Variants in CTSS observed in about 807,000 individuals in gnomAD.
The protein encoded by CTSS is cathepsin S.
Under a neutral mutation model 39.9 loss-of-function variants are expected in CTSS, and 15 were observed. The observed-to-expected ratio is 0.38, with a 90% CI of 0.25 to 0.58. The LOEUF (loss-of-function observed/expected upper bound fraction) is 0.58, where lower values mean the gene tolerates loss of function less well. Ranked by LOEUF, CTSS falls within the 20% of genes least tolerant of loss-of-function variation. The pLI, the probability that CTSS is intolerant of heterozygous loss-of-function variation, is 0.70. For synonymous variants in CTSS, 126 were observed against 138.2 expected, an observed-to-expected ratio of 0.91 and a Z score of 0.62; for missense variants, 250 against 398.2, an observed-to-expected ratio of 0.63 and a Z score of 3.17.
intron 7 of CTSS, among the ~76,000 whole-genome samples, chr1:150,740,743 T>G (rs1652734040): frequency 1.3e-5 from 2 of 150,794 alleles, no homozygotes; most frequent in African/African-American, 4.9e-5. Flanking sequence ...GAAGCTAGAG[T>G]TGAGTGATGT....
chr1:150,763,104 TAAA>T (rs202184518), intron 2 of CTSS, among the ~76,000 whole-genome samples: 1 of 146,122 alleles, frequency 6.8e-6, no homozygotes, highest in African/African-American at 2.5e-5. Context: ...TATTTAGCCT[TAAA>T]AAAAAAAAAA....
intron 4 of CTSS, among the ~76,000 whole-genome samples, chr1:150,752,366 A>G (rs775242280): frequency 5.3e-5 from 8 of 152,234 alleles, no homozygotes; most frequent in Non-Finnish European, 1.0e-4. Flanking sequence ...TGAGAGAGCT[A>G]GGATGATTTC....
Position 150,730,315 on chromosome 1 carries a change from G to A in CTSS, c.*2731C>T, listed in dbSNP as rs1419628435. 6.6e-6 allele frequency: 1 copy of A among 152,198 alleles called. No individual in the cohort carries two copies. The highest frequency in any genetic ancestry group is 2.4e-5 in the African/African-American group (1 of 41,456). 9.4% of individuals were successfully genotyped at this position (152,198 alleles called of 1,614,324 possible). A position where few individuals can be genotyped will look rare whatever the true frequency, so the allele number is the denominator to read the frequency against. On this transcript the variant is annotated 3_prime_UTR_variant, in exon 8 of 8. Coordinates refer to ENST00000368985, the MANE Select transcript of CTSS (RefSeq NM_004079.5). ...TTTATAGTAGGTTTGATGAAGAGCA[G>A]CCAGTGATGTAGAAATGTCATAGGG...
intron 7 of CTSS, among the ~76,000 whole-genome samples, chr1:150,737,074 T>C (rs587752324): frequency 2.6e-5 from 4 of 152,218 alleles, no homozygotes; most frequent in African/African-American, 9.6e-5. Flanking sequence ...CAGGTATGAG[T>C]ACATCAGATT....
At chr1:150,733,343 T>C (rs1049123027) in intron 7 of CTSS, among the ~76,000 whole-genome samples, 198 bp from the exon 8 acceptor site, 1 of 152,222 alleles carries the variant, frequency 6.6e-6, no homozygotes, top group African/African-American at 2.4e-5. Flanking sequence ...TAGTGCTATA[T>C]TGATGAATAG....
At chr1:150,761,739 CAAGAAAAAAAGAAAA>C (rs112658271) in intron 2 of CTSS, among the ~76,000 whole-genome samples, 62,573 of 150,882 alleles carry the variant, frequency 0.41, 14,959 homozygotes, top group Non-Finnish European at 0.54. Context: ...CTCAAAAAAA[CAAGAAAAAAAGAAAA>C]AAGAAAGAAA....
chr1:150,764,519 C>T (rs746356052), intron 2 of CTSS, 119 bp downstream of exon 2: 39 of 1,372,064 alleles, frequency 2.8e-5, no homozygotes, highest in Admixed American at 3.7e-5. Flanking sequence ...ATTACAGGCG[C>T]GAGCCACCAC....
chr1:150,731,819 T>C lies in CTSS; in HGVS notation c.*1227A>G, dbSNP rs587631072. ...ACTACGTAAAAATAATTTGGACTAA[T>C]ACATTAAATTGTTGATCATTAAAAT... On this transcript the variant is annotated 3_prime_UTR_variant, in exon 8 of 8. Coordinates refer to ENST00000368985, the MANE Select transcript of CTSS (RefSeq NM_004079.5). The C allele has an allele frequency of 2.0e-5, 3 of 152,354 alleles. No homozygotes were observed. In the East Asian group the frequency reaches 5.8e-4, roughly 29 times the overall value. 9.4% of individuals were successfully genotyped at this position (152,354 alleles called of 1,614,324 possible). A position where few individuals can be genotyped will look rare whatever the true frequency, so the allele number is the denominator to read the frequency against.
At chr1:150,747,696 C>G (rs978323882) in intron 7 of CTSS, 81 bp downstream of exon 7, 9 of 886,990 alleles carry the variant, frequency 1.0e-5, no homozygotes, top group Admixed American at 3.8e-5. Flanking sequence ...TCATAATGAT[C>G]ATCATCAAAA....
intron 7 of CTSS, among the ~76,000 whole-genome samples, chr1:150,735,730 A>G (rs1652621798): frequency 6.7e-6 from 1 of 149,328 alleles, no homozygotes; most frequent in African/African-American, 2.5e-5. Flanking sequence ...CTAGGACCAC[A>G]TGTGCATACC....
intron 6 of CTSS, 22 bp downstream of exon 6, chr1:150,749,984 T>C (rs1212191041): frequency 1.9e-6 from 3 of 1,569,832 alleles, no homozygotes; most frequent in Non-Finnish European, 2.6e-6. Flanking sequence ...AAATTCTAAT[T>C]ATTGTTTATT....
At chr1:150,756,641 G>C (rs587651861) in intron 3 of CTSS, among the ~76,000 whole-genome samples, 1 of 151,356 alleles carries the variant, frequency 6.6e-6, no homozygotes, top group Admixed American at 6.6e-5. Flanking sequence ...TCCATCAGTG[G>C]CCAAAATGCA....
At chr1:150,735,857 C>T (rs1005960699) in intron 7 of CTSS, among the ~76,000 whole-genome samples, 2 of 151,008 alleles carry the variant, frequency 1.3e-5, no homozygotes, top group African/African-American at 2.4e-5. Context: ...CCCGGGTTCA[C>T]GCCATTCTCC....
chr1:150,733,363 C>A (rs1007493611), intron 7 of CTSS, among the ~76,000 whole-genome samples: 1 of 152,106 alleles, frequency 6.6e-6, no homozygotes, highest in African/African-American at 2.4e-5. Flanking sequence ...GACTTAATAC[C>A]TAAGGAAAAC....
chr1:150,749,942 G>A (rs1335613666), intron 6 of CTSS, 64 bp downstream of exon 6: 11 of 1,403,778 alleles, frequency 7.8e-6, no homozygotes, highest in Middle Eastern at 2.0e-4. Flanking sequence ...ATGAACCACC[G>A]TGCTCAGCCA....
intron 7 of CTSS, among the ~76,000 whole-genome samples, chr1:150,745,502 A>G (rs1417780797): frequency 6.6e-6 from 1 of 152,062 alleles, no homozygotes; most frequent in Non-Finnish European, 1.5e-5. Context: ...CTCTACAAAT[A>G]GAAATTAAAA....
intron 4 of CTSS, among the ~76,000 whole-genome samples, chr1:150,754,111 CTTTT>C (rs751446609): frequency 6.2e-5 from 8 of 128,244 alleles, no homozygotes; most frequent in African/African-American, 1.2e-4. Context: ...CTCCTATACA[CTTTT>C]TTTTTTTTTT....
intron 2 of CTSS, among the ~76,000 whole-genome samples, chr1:150,763,644 A>G (rs1653307951): frequency 6.6e-6 from 1 of 152,172 alleles, no homozygotes; most frequent in East Asian, 1.9e-4. Flanking sequence ...ATACAAAATA[A>G]TATGTCAAAT....
rs587665118 is a variant in CTSS, at chr1:150,751,158, TGTG to T, written c.627+620_627+622del. On this transcript the variant is annotated intron_variant, in intron 5 of 7. Transcript: ENST00000368985. Reference sequence around the variant, plus strand: ...AGCTTCTCAGTGGGTGGAAGAATGATGTGGTTAATGATCTGAGAATAAGGTTGA... The same window carrying T: ...AGCTTCTCAGTGGGTGGAAGAATGATGTTAATGATCTGAGAATAAGGTTGA... Among the ~76,000 whole-genome samples, 748 of 152,250 alleles carry T rather than the reference TGTG, an allele frequency of 4.9e-3. 11 individuals carry two copies. Among genetic ancestry groups the T allele is most frequent in the Non-Finnish European group, 1.9e-3 (131 of 68,018 alleles).
Sources: gnomAD v4.1 joint callset for allele counts (sites outside exome capture counted in the v4.1 genomes callset) on GRCh38, gnomAD v4.1.1 for gene constraint, MANE v1.5 for transcripts, NCBI Gene and HGNC (gene_info 2026-07-23, HGNC 2026-07-21) for gene names.